Variants in CFI observed in about 807,000 individuals in gnomAD.
The protein encoded by CFI is C3B/C4B inactivator.
CFI carries 66 observed loss-of-function variants against 78.8 expected under a neutral mutation model. The ratio of observed to expected loss-of-function variants is 0.84; its 90% CI spans 0.69 to 1.03. The LOEUF (loss-of-function observed/expected upper bound fraction) is 1.03, where lower values mean the gene tolerates loss of function less well. Ranked by LOEUF, CFI falls within the 50% of genes least tolerant of loss-of-function variation. CFI has a pLI of 0.00. For synonymous variants in CFI, 250 were observed against 232.6 expected, an observed-to-expected ratio of 1.07 and a Z score of -0.68; for missense variants, 706 against 704.5, an observed-to-expected ratio of 1.00 and a Z score of -0.02.
At chr4:109,751,684 G>A (rs572166484) in intron 8 of CFI, among the ~76,000 whole-genome samples, 4 of 152,130 alleles carry the variant, frequency 2.6e-5, no homozygotes, top group East Asian at 1.9e-4. Flanking sequence ...GAAGTAATCC[G>A]CCTGCTTTGG....
At chr4:109,734,961 C>A in the CFI span, among the ~76,000 whole-genome samples, 1 of 152,092 alleles carries the variant, frequency 6.6e-6, no homozygotes, top group South Asian at 2.1e-4. Flanking sequence ...GCTTTCTTTT[C>A]TTTTCTTTTT....
chr4:109,793,171 T>C (rs1027675053), intron 1 of CFI, among the ~76,000 whole-genome samples: 3 of 152,206 alleles, frequency 2.0e-5, no homozygotes, highest in African/African-American at 7.2e-5. Flanking sequence ...TTACAATTAA[T>C]AGTGATTAAA....
intron 1 of CFI, among the ~76,000 whole-genome samples, chr4:109,783,514 T>TA (rs1166243960): frequency 1.3e-5 from 2 of 151,462 alleles, no homozygotes; most frequent in African/African-American, 4.9e-5. Flanking sequence ...AATAAAAAAA[T>TA]AAAAAAATAG....
chr4:109,762,112 A>G (rs899828045), intron 3 of CFI: 74 of 189,700 alleles, frequency 3.9e-4, no homozygotes, highest in African/African-American at 1.8e-3. Flanking sequence ...AATCACTTGA[A>G]CCCAGGAGGT....
At chr4:109,797,235 A>G (rs997022425) in intron 1 of CFI, among the ~76,000 whole-genome samples, 13 of 152,222 alleles carry the variant, frequency 8.5e-5, no homozygotes, top group Non-Finnish European at 1.2e-4. Flanking sequence ...AGACATATAG[A>G]TTCATGGAAC....
At chr4:109,787,818 G>GT (rs1303820205) in intron 1 of CFI, among the ~76,000 whole-genome samples, 1 of 151,156 alleles carries the variant, frequency 6.6e-6, no homozygotes, top group African/African-American at 2.4e-5. Flanking sequence ...TTCTGGTCTT[G>GT]TTTTTTTCAT....
intron 1 of CFI, among the ~76,000 whole-genome samples, chr4:109,800,339 T>G (rs1341210029): frequency 7.2e-6 from 1 of 138,934 alleles, no homozygotes; most frequent in Non-Finnish European, 1.5e-5. Context: ...TTTTTTTTTT[T>G]TTTTTTTTTT....
At chr4:109,794,870 C>T (rs1204014670) in intron 1 of CFI, among the ~76,000 whole-genome samples, 1 of 152,060 alleles carries the variant, frequency 6.6e-6, no homozygotes, top group Non-Finnish European at 1.5e-5. Flanking sequence ...GCTCTGAGCA[C>T]ATTTAAGACA....
At position 109,746,417 on chromosome 4, in the gene CFI, C is replaced by G; in HGVS notation, c.1234G>C (p.Val412Leu). 1 of 1,613,844 alleles carries G rather than the reference C, an allele frequency of 6.2e-7. No individual in the cohort carries two copies. Among genetic ancestry groups the G allele is most frequent in the Non-Finnish European group, 8.5e-7 (1 of 1,179,878 alleles). The change falls in exon 11 of 13, where the codon GTG becomes CTG. Residue 412 changes from valine to leucine, a missense_variant. By Grantham distance (32) the Val-to-Leu change is conservative. Coordinates refer to ENST00000394634, the MANE Select transcript of CFI (RefSeq NM_000204.5). ...TTTTCATGGAAAATAATTCTATCCA[C>G]GTATTCAATTACTATACGTTTAAGG... The part of the protein sequence containing the change: ...PDLKRIVIEY[V>L]DRIIFHENYN...
the CFI span, among the ~76,000 whole-genome samples, chr4:109,733,265 C>T: frequency 3.3e-5 from 5 of 152,204 alleles, no homozygotes; most frequent in Admixed American, 3.3e-4. Context: ...AGCCACTGTG[C>T]CCAGCTCATC....
At chr4:109,754,572 T>A (rs1269381028) in intron 7 of CFI, among the ~76,000 whole-genome samples, 1 of 152,036 alleles carries the variant, frequency 6.6e-6, no homozygotes, top group African/African-American at 2.4e-5. Flanking sequence ...TGTTGCTCTG[T>A]CATGGATGAG....
chr4:109,739,540 G>A (rs1274469706), downstream of CFI, among the ~76,000 whole-genome samples: 1 of 151,944 alleles, frequency 6.6e-6, no homozygotes, highest in Non-Finnish European at 1.5e-5. Flanking sequence ...GGGGTCGGGT[G>A]GGGGTGCTAT....
chr4:109,770,633 G>GAAAA (rs370657391), intron 1 of CFI, among the ~76,000 whole-genome samples: 5 of 78,292 alleles, frequency 6.4e-5, no homozygotes, highest in Non-Finnish European at 8.2e-5. Context: ...ACACAGACCA[G>GAAAA]AAAAAAAAAA....
At chr4:109,757,728 T>C (rs763521653) in intron 7 of CFI, 35 bp downstream of exon 7, 1 of 1,342,580 alleles carries the variant, frequency 7.4e-7, no homozygotes, top group South Asian at 1.2e-5. Flanking sequence ...TTGTTTCAAT[T>C]TTTTAATATC....
intron 1 of CFI, among the ~76,000 whole-genome samples, chr4:109,795,862 C>A (rs10000072): frequency 0.19 from 28,876 of 151,930 alleles, 5,385 homozygotes; most frequent in African/African-American, 0.47. Flanking sequence ...GTGGGATACC[C>A]TCAAGCCAAC....
At chr4:109,772,373 A>G (rs753990528) in intron 1 of CFI, among the ~76,000 whole-genome samples, 1 of 152,282 alleles carries the variant, frequency 6.6e-6, no homozygotes, top group Admixed American at 6.5e-5. Context: ...AAGACAAAAT[A>G]TAAACGATGT....
At chr4:109,732,205 G>A in the CFI span, among the ~76,000 whole-genome samples, 1 of 152,048 alleles carries the variant, frequency 6.6e-6, no homozygotes, top group Non-Finnish European at 1.5e-5. Context: ...CCTATACTCT[G>A]AGGAATCAGA....
intron 3 of CFI, chr4:109,764,237 T>C: frequency 2.3e-6 from 1 of 433,984 alleles, no homozygotes; most frequent in Non-Finnish European, 4.2e-6. Flanking sequence ...TGAAAAAGTG[T>C]ACATAATTGT....
At chr4:109,734,564 G>A in the CFI span, among the ~76,000 whole-genome samples, 1 of 152,220 alleles carries the variant, frequency 6.6e-6, no homozygotes, top group African/African-American at 2.4e-5. Context: ...AGCACTTTGG[G>A]AGGCCAAGGC....
Sources: gnomAD v4.1 joint callset for allele counts (sites outside exome capture counted in the v4.1 genomes callset) on GRCh38, gnomAD v4.1.1 for gene constraint, MANE v1.5 for transcripts, NCBI Gene and HGNC (gene_info 2026-07-23, HGNC 2026-07-21) for gene names.